Variants in SAP30 observed in about 807,000 individuals in gnomAD.
SAP30 encodes histone deacetylase complex subunit SAP30.
Under a neutral mutation model 19.6 loss-of-function variants are expected in SAP30, and 13 were observed. The ratio of observed to expected loss-of-function variants is 0.66; its 90% CI spans 0.43 to 1.05. The LOEUF is 1.05. Ranked by LOEUF, SAP30 falls within the 50% of genes least tolerant of loss-of-function variation. SAP30 has a pLI of 0.00. For missense variants in SAP30, 257 were observed against 292.1 expected (o/e 0.88, Z 0.88); for synonymous variants, 108 against 122.7 (o/e 0.88, Z 0.79).
At chr4:173,374,789 A>G (rs747276309) in intron 3 of SAP30, among the ~76,000 whole-genome samples, 47 of 152,222 alleles carry the variant, frequency 3.1e-4, no homozygotes, top group Admixed American at 6.5e-4. Flanking sequence ...TAATTTGCTG[A>G]CTTAACTATT....
In SAP30 at chr4:173,371,649, G is replaced by A; in HGVS notation, c.315+152G>A. 7.5e-7 allele frequency: 1 copy of A among 1,341,894 alleles called. No individual in the cohort carries two copies. Among genetic ancestry groups the A allele is most frequent in the Non-Finnish European group, 9.8e-7 (1 of 1,021,036 alleles). 83.1% of individuals were successfully genotyped at this position (1,341,894 alleles called of 1,614,324 possible). ...TCTGTGTTTGGAAGCAAATAACAAA[G>A]TCGCTGCAACTCCTACCGCCACCCC... On this transcript the variant is annotated intron_variant, in intron 1 of 3. Coordinates refer to ENST00000296504, the MANE Select transcript of SAP30 (RefSeq NM_003864.4). The surrounding 1 kb of genome is among the most constrained non-coding windows in gnomAD (Gnocchi z 6.4).
At position 173,371,379 on chromosome 4, in the gene SAP30, T is replaced by G; in HGVS notation, c.197T>G (p.Leu66Arg). 1 of 1,558,152 alleles carries G rather than the reference T, an allele frequency of 6.4e-7. No homozygotes were observed. Among genetic ancestry groups the G allele is most frequent in the Middle Eastern group, 1.7e-4 (1 of 5,842 alleles). The change falls in exon 1 of 4, where the codon CTG becomes CGG. Residue 66 changes from leucine to arginine, a missense_variant. Coordinates refer to ENST00000296504, the MANE Select transcript of SAP30 (RefSeq NM_003864.4). The surrounding 1 kb of genome is among the most constrained non-coding windows in gnomAD (Gnocchi z 6.4). ...PGAAGPGPGQ[L>R]CCLREDGERC... ...GCGGCCGGGCCGGGCCCCGGGCAAC[T>G]GTGCTGCCTGCGGGAGGATGGTGAG... is the stretch of plus-strand genomic sequence containing the variant.
At position 173,377,225 on chromosome 4, in the gene SAP30, G is replaced by A; in HGVS notation, c.561G>A (p.Arg187=). 1 of 1,599,808 alleles carries A rather than the reference G, an allele frequency of 6.3e-7. No homozygotes were observed. The highest frequency in any genetic ancestry group is 1.1e-5 in the South Asian group (1 of 88,470). Residue 187 remains arginine (R), a synonymous_variant, in exon 4 of 4, where the codon AGG becomes AGA. Coordinates refer to ENST00000296504, the MANE Select transcript of SAP30 (RefSeq NM_003864.4). The part of the protein sequence containing the change: ...QLVEIVGCHF[R]SIPVNEKDTL... Reference sequence around the variant, plus strand: ...TGTAGATAGTTGGTTGCCACTTTAGGTCTATTCCAGTGAATGAAAAAGACA... The same window carrying A: ...TGTAGATAGTTGGTTGCCACTTTAGATCTATTCCAGTGAATGAAAAAGACA...
In SAP30 at chr4:173,371,483, G is replaced by C; in HGVS notation, c.301G>C (p.Glu101Gln). The change falls in exon 1 of 4, where the codon GAG becomes CAG. Residue 101 changes from glutamate (E) to glutamine (Q), a missense_variant. Physicochemically the swap from Glu to Gln is conservative, Grantham distance 29. Coordinates refer to ENST00000296504, the MANE Select transcript of SAP30 (RefSeq NM_003864.4). The surrounding 1 kb of genome is among the most constrained non-coding windows in gnomAD (Gnocchi z 6.4). ...CATCTCCCAGAAGAAGGTGAAGATC[G>C]AGCTGGATAAGAGCGTAAGTAAACC... The part of the protein sequence containing the change: ...KSISQKKVKI[E>Q]LDKSARHLYI... The C allele has an allele frequency of 6.3e-7, 1 of 1,584,846 alleles. No individual in the cohort carries two copies. The highest frequency in any genetic ancestry group is 8.5e-7 in the Non-Finnish European group (1 of 1,171,500).
At position 173,371,345 on chromosome 4, in the gene SAP30, C is replaced by G; in HGVS notation, c.163C>G (p.Pro55Ala). Residue 55 changes from proline (P) to alanine (A), a missense_variant, in exon 1 of 4, where the codon CCC (proline) becomes GCC (alanine). Physicochemically the swap from Pro to Ala is conservative, Grantham distance 27 (BLOSUM62 -1). Coordinates refer to ENST00000296504, the MANE Select transcript of SAP30 (RefSeq NM_003864.4). This position sits in a 1 kb window ranked among gnomAD's most constrained non-coding sequence, Gnocchi z 6.4. ...PGAGAVSAAGPPGAAGPGPGQ... is the reference protein window; with the variant it reads ...PGAGAVSAAGAPGAAGPGPGQ... Reference sequence around the variant, plus strand: ...CGCGGGGGCGGTCTCAGCGGCTGGGCCCCCGGGGGCGGCCGGGCCGGGCCC... The same window carrying G: ...CGCGGGGGCGGTCTCAGCGGCTGGGGCCCCGGGGGCGGCCGGGCCGGGCCC... The G allele has an allele frequency of 6.9e-7, 1 of 1,445,778 alleles. No homozygotes were observed. The highest frequency in any genetic ancestry group is 9.0e-7 in the Non-Finnish European group (1 of 1,106,192). 89.6% of individuals were successfully genotyped at this position (1,445,778 alleles called of 1,614,324 possible).
chr4:173,376,835 T>A (rs960574873), intron 3 of SAP30, among the ~76,000 whole-genome samples: 3 of 152,118 alleles, frequency 2.0e-5, no homozygotes, highest in Non-Finnish European at 4.4e-5. Flanking sequence ...TTGCTCAGGC[T>A]GGTCTCAAAC....
At chr4:173,373,351 C>T in intron 1 of SAP30, 39 bp from the exon 2 acceptor site, 1 of 1,551,998 alleles carries the variant, frequency 6.4e-7, no homozygotes, top group Non-Finnish European at 8.7e-7. Context: ...ACACATTTTA[C>T]TGTAATCATA....
In SAP30 at chr4:173,371,241, CCGCAGTGGT is replaced by C. The variant is rs776073905; in HGVS notation, c.63_71del (p.Val22_Ala24del). The C allele has an allele frequency of 2.8e-5, 39 of 1,402,984 alleles. No individual in the cohort carries two copies. In the East Asian group the frequency reaches 1.1e-3, roughly 41 times the overall value. 86.9% of individuals were successfully genotyped at this position (1,402,984 alleles called of 1,614,324 possible). A position where few individuals can be genotyped will look rare whatever the true frequency, so the allele number is the denominator to read the frequency against. On this transcript the variant is annotated inframe_deletion, in exon 1 of 4. Transcript: ENST00000296504. The surrounding 1 kb of genome is among the most constrained non-coding windows in gnomAD (Gnocchi z 6.4). ...GGCGGGGATGCGGCCGCCGCAGTGGCCGCAGTGGTCGCTGCCGCGGCCGCCGCCGCCTCG... is the reference window on the plus strand; with the variant it reads ...GGCGGGGATGCGGCCGCCGCAGTGGCCGCTGCCGCGGCCGCCGCCGCCTCG...
At position 173,371,607 on chromosome 4, in the gene SAP30, A is replaced by C. The variant is rs1351803957; in HGVS notation, c.315+110A>C. The C allele has an allele frequency of 2.7e-6, 4 of 1,478,120 alleles. No individual in the cohort carries two copies. The East Asian group carries it at 1.1e-4, about 41-fold the overall frequency. The allele number at this position is 1,478,120 out of a possible 1,614,324, so 91.6% of individuals were successfully genotyped here. On this transcript the variant is annotated intron_variant, in intron 1 of 3. Coordinates refer to ENST00000296504, the MANE Select transcript of SAP30 (RefSeq NM_003864.4). The surrounding 1 kb of genome is among the most constrained non-coding windows in gnomAD (Gnocchi z 6.4). ...TCCCCCAGACAACCGCACTGGCTGC[A>C]GTGCGGTCTCGTGGAGTCTGTGTTT...
intron 3 of SAP30, among the ~76,000 whole-genome samples, chr4:173,375,449 G>A (rs1157842021): frequency 1.3e-5 from 2 of 152,056 alleles, no homozygotes; most frequent in East Asian, 3.9e-4. Flanking sequence ...ATACATTAAT[G>A]TAACATAAAT....
rs1739062234 is a variant in SAP30, at chr4:173,377,307, G to A, written c.643G>A (p.Val215Ile). The change falls in exon 4 of 4, where the codon GTT becomes ATT. Residue 215 changes from valine (V) to isoleucine (I), a missense_variant. By Grantham distance (29) the Val-to-Ile change is conservative. Transcript: ENST00000296504. ...TGACAAGAACAAATCAGATCTCAAGGTTGATAGTGGTGTTCACTAGGAGAC... is the reference window on the plus strand; with the variant it reads ...TGACAAGAACAAATCAGATCTCAAGATTGATAGTGGTGTTCACTAGGAGAC... ...KNDKNKSDLK[V>I]DSGVH 3 of 1,604,512 alleles carry A rather than the reference G, an allele frequency of 1.9e-6. No homozygotes were observed. Among genetic ancestry groups the A allele is most frequent in the South Asian group, 2.2e-5 (2 of 89,160 alleles).
intron 1 of SAP30, among the ~76,000 whole-genome samples, chr4:173,372,265 A>G (rs1156376378): frequency 6.6e-6 from 1 of 152,256 alleles, no homozygotes; most frequent in Non-Finnish European, 1.5e-5. Context: ...AGAACCTACC[A>G]CAAGTCCTGC....
intron 3 of SAP30, among the ~76,000 whole-genome samples, chr4:173,375,776 T>C (rs1272203139): frequency 1.3e-5 from 2 of 152,176 alleles, no homozygotes; most frequent in Non-Finnish European, 2.9e-5. Context: ...CCCAGGGCCA[T>C]GGACTGGTAC....
Position 173,373,509 on chromosome 4 carries a change from C to T in SAP30, c.435C>T (p.Thr145=). ...GGDSPVQDID[T]PEVDLYQLQV... is the part of the protein sequence containing the mutation. ...ATTCACCTGTTCAAGATATTGATAC[C>T]CCAGAGGTAGATGGAAGTTTTTTAT... Residue 145 remains threonine, a synonymous_variant, in exon 2 of 4, where the codon ACC becomes ACT. Transcript: ENST00000296504. 4.4e-6 allele frequency: 7 copies of T among 1,594,198 alleles called. No individual in the cohort carries two copies. In the East Asian group the frequency reaches 6.8e-5, roughly 16 times the overall value.
Position 173,371,960 on chromosome 4 carries a change from A to G in SAP30, c.315+463A>G, listed in dbSNP as rs945381591. 6.6e-6 allele frequency among the ~76,000 whole-genome samples: 1 copy of G among 152,170 alleles called. No homozygotes were observed. The highest frequency in any genetic ancestry group is 1.9e-4 in the East Asian group (1 of 5,188). ...GAGAAAGCGGAGGACCTTCACGAACAAGGAAGATCCTGTTCTTTTCTGTGT... is the reference window on the plus strand; with the variant it reads ...GAGAAAGCGGAGGACCTTCACGAACGAGGAAGATCCTGTTCTTTTCTGTGT... On this transcript the variant is annotated intron_variant, in intron 1 of 3. Coordinates refer to ENST00000296504, the MANE Select transcript of SAP30 (RefSeq NM_003864.4). This position sits in a 1 kb window ranked among gnomAD's most constrained non-coding sequence, Gnocchi z 6.4.
rs370533042 is a variant in SAP30 at position 173,374,317 on chromosome 4, C to T, written c.540+280C>T. The stretch of plus-strand genomic sequence containing the variant: ...TTGAGACAGAATCTCACTCTGTCAC[C>T]CAGGCTGGAGTGCAGTGGCATGATC... On this transcript the variant is annotated intron_variant, in intron 3 of 3. Coordinates refer to ENST00000296504, the MANE Select transcript of SAP30 (RefSeq NM_003864.4). Among the ~76,000 whole-genome samples the T allele has an allele frequency of 5.9e-5, 9 of 152,184 alleles. No homozygotes were observed. The East Asian group carries it at 1.3e-3, about 23-fold the overall frequency.
Position 173,371,123 on chromosome 4 carries a change from A to G in SAP30, c.-60A>G. ...GAATTGCCGCTGCCGGAGCGGAGAG[A>G]GGCGGAGCGGCCAGGAGAGAGGGGA... On this transcript the variant is annotated 5_prime_UTR_variant, in exon 1 of 4. Transcript: ENST00000296504. The surrounding 1 kb of genome is among the most constrained non-coding windows in gnomAD (Gnocchi z 6.4). The G allele has an allele frequency of 1.4e-6, 2 of 1,391,520 alleles. No homozygotes were observed. Among genetic ancestry groups the G allele is most frequent in the East Asian group, 3.6e-5 (1 of 27,630 alleles). The allele number at this position is 1,391,520 out of a possible 1,614,324, so 86.2% of individuals were successfully genotyped here. A position where few individuals can be genotyped will look rare whatever the true frequency, so the allele number is the denominator to read the frequency against.
At chr4:173,377,047 G>A (rs929058604) in intron 3 of SAP30, among the ~76,000 whole-genome samples, 158 bp from the exon 4 acceptor site, 3 of 152,128 alleles carry the variant, frequency 2.0e-5, no homozygotes, top group Non-Finnish European at 4.4e-5. Flanking sequence ...ATTCTTGAAT[G>A]CTTTCTGTCT....
chr4:173,376,531 CGTCTG>C (rs1739044043), intron 3 of SAP30, among the ~76,000 whole-genome samples: 1 of 152,282 alleles, frequency 6.6e-6, no homozygotes, highest in Non-Finnish European at 1.5e-5. Context: ...TGATCTCTTA[CGTCTG>C]TTTTATCTCA....
Sources: allele counts gnomAD v4.1 joint callset (sites outside exome capture counted in the v4.1 genomes callset), GRCh38; gene constraint gnomAD v4.1.1; non-coding constraint Gnocchi (gnomAD v3.1); transcripts MANE v1.5; gene names NCBI Gene and HGNC (gene_info 2026-07-23, HGNC 2026-07-21).